The following NOTCH2 variants were observed in gnomAD, a reference collection of about 807,000 sequenced individuals.
The protein encoded by NOTCH2 is notch receptor 2, also known as neurogenic locus notch homolog protein 2.
Under a neutral mutation model 235.8 loss-of-function variants are expected in NOTCH2, and 29 were observed. The ratio of observed to expected loss-of-function variants is 0.12; its 90% CI spans 0.09 to 0.17. The LOEUF (loss-of-function observed/expected upper bound fraction) is 0.17, where lower values mean the gene tolerates loss of function less well. Among genes scored for constraint, NOTCH2 ranks in the 10% least tolerant of loss-of-function variants. The probability of loss-of-function intolerance (pLI) is 1.00; values close to 1 mark genes in which losing one functional copy is unlikely to be tolerated. For missense variants in NOTCH2, 2,285 were observed against 3,150.2 expected (o/e 0.73, Z 6.57); for synonymous variants, 1,086 against 1,141.5 (o/e 0.95, Z 0.98).
intron 4 of NOTCH2, among the ~76,000 whole-genome samples, chr1:119,988,019 A>G (rs1652087255): frequency 6.6e-6 from 1 of 152,178 alleles, no homozygotes; most frequent in African/African-American, 2.4e-5. Context: ...TCTATTCTAA[A>G]CATTCTCCTA....
Position 119,914,859 on chromosome 1 carries a change from G to A in NOTCH2, c.*447C>T, listed in dbSNP as rs751873668. 9.1e-6 allele frequency: 3 copies of A among 329,664 alleles called. No individual in the cohort carries two copies. The highest frequency in any genetic ancestry group is 1.7e-5 in the Non-Finnish European group (3 of 177,366). The allele number at this position is 329,664 out of a possible 1,614,324, so 20.4% of individuals were successfully genotyped here. ...AAGCACCAAATGAAGACAAAAGAAT[G>A]TCCAAGGAGGAGGAGATGCGTAGGT... On this transcript the variant is annotated 3_prime_UTR_variant, in exon 34 of 34. Coordinates refer to ENST00000256646, the MANE Select transcript of NOTCH2 (RefSeq NM_024408.4).
chr1:119,937,775 C>CA (rs1649911854), intron 20 of NOTCH2, 82 bp downstream of exon 20: 7 of 1,548,412 alleles, frequency 4.5e-6, no homozygotes, highest in African/African-American at 1.4e-5. Flanking sequence ...TCTTATTCCA[C>CA]AAAAAAATGA....
At chr1:120,062,976 T>C (rs1189348623) in intron 1 of NOTCH2, among the ~76,000 whole-genome samples, 1 of 152,076 alleles carries the variant, frequency 6.6e-6, no homozygotes, top group Non-Finnish European at 1.5e-5. Flanking sequence ...GATAATATTC[T>C]CCTCAAAAAA....
intron 5 of NOTCH2, among the ~76,000 whole-genome samples, chr1:119,985,652 G>A (rs1281929342): frequency 6.6e-6 from 1 of 152,060 alleles, no homozygotes; most frequent in Admixed American, 6.6e-5. Context: ...ATCTCATCCT[G>A]TCCAATACTG....
At chr1:119,918,378 A>C (rs1290002634) in intron 32 of NOTCH2, 28 bp downstream of exon 32, 2 of 1,613,210 alleles carry the variant, frequency 1.2e-6, no homozygotes, top group Non-Finnish European at 1.7e-6. Context: ...TGCAGGTAAG[A>C]ATCCAAATCC....
rs1380025512 is a variant in NOTCH2, at chr1:120,069,241, C to G, written c.73+93G>C. The G allele has an allele frequency of 1.8e-5, 27 of 1,527,024 alleles. 1 individual carries two copies. The South Asian group carries it at 3.0e-4, about 17-fold the overall frequency. The allele number at this position is 1,527,024 out of a possible 1,614,324, so 94.6% of individuals were successfully genotyped here. On this transcript the variant is annotated intron_variant, in intron 1 of 33. Coordinates refer to ENST00000256646, the MANE Select transcript of NOTCH2 (RefSeq NM_024408.4). The stretch of plus-strand genomic sequence containing the variant: ...GCTCCGCGCCGGCGGCCGAGCCTGG[C>G]CTTCCCACACAGAGAAGGACCGAGG...
Position 119,916,524 on chromosome 1 carries a change from A to T in NOTCH2, c.6198T>A (p.Asn2066Lys). 1 of 1,613,330 alleles carries T rather than the reference A, an allele frequency of 6.2e-7. No individual in the cohort carries two copies. The highest frequency in any genetic ancestry group is 8.5e-7 in the Non-Finnish European group (1 of 1,179,266). ...HDIVRLLDEY[N>K]VTPSPPGTVL... The stretch of plus-strand genomic sequence containing the variant: ...CGGTGCCTGGAGGGCTTGGGGTCAC[A>T]TTGTATTCATCCAGAAGGCGCACAA... Residue 2066 changes from asparagine (N) to lysine (K), a missense_variant, in exon 34 of 34, where the codon AAT (asparagine) becomes AAA (lysine). By Grantham distance (94) the Asn-to-Lys change is moderately conservative. Transcript: ENST00000256646.
At position 119,937,288 on chromosome 1, in the gene NOTCH2, T is replaced by G; in HGVS notation, c.3516A>C (p.Arg1172Ser). The change falls in exon 21 of 34, where the codon AGA (arginine) becomes AGC (serine). Residue 1172 changes from arginine (R) to serine (S), a missense_variant. Around this residue, in one of 6 missense-constraint regions of NOTCH2, gnomAD observed 1,173 missense variants for 1,515.3 expected, o/e 0.77. Coordinates refer to ENST00000256646, the MANE Select transcript of NOTCH2 (RefSeq NM_024408.4). ...GCTTGCTCAGTGTCCTCACCTCGCA[T>G]CTGTATCCACCAATGAAGTCACTGC... Reference protein sequence around the residue: ...ATCSDFIGGYRCECVPGYQGV... With the variant: ...ATCSDFIGGYSCECVPGYQGV... The G allele has an allele frequency of 6.2e-7, 1 of 1,613,336 alleles. No homozygotes were observed. The highest frequency in any genetic ancestry group is 8.5e-7 in the Non-Finnish European group (1 of 1,179,950).
At chr1:119,925,954 T>C in intron 24 of NOTCH2, 144 bp from the exon 25 acceptor site, 1 of 965,120 alleles carries the variant, frequency 1.0e-6, no homozygotes, top group Non-Finnish European at 1.6e-6. Context: ...ACAGGTTTCC[T>C]TTTGGTATCT....
In NOTCH2 at chr1:119,968,936, T is replaced by C. The variant is rs782125636; in HGVS notation, c.1108+575A>G. 3.9e-5 allele frequency among the ~76,000 whole-genome samples: 6 copies of C among 152,340 alleles called. No homozygotes were observed. The East Asian group carries it at 9.7e-4, about 25-fold the overall frequency. On this transcript the variant is annotated intron_variant, in intron 6 of 33. Transcript: ENST00000256646. Reference sequence around the variant, plus strand: ...CATTTCAAAACTGCTGGGCAGAAAGTTCTCCCAGCTAAATTATCTTCTCCC... The same window carrying C: ...CATTTCAAAACTGCTGGGCAGAAAGCTCTCCCAGCTAAATTATCTTCTCCC...
chr1:119,996,847 A>T, intron 4 of NOTCH2, 150 bp downstream of exon 4: 2 of 896,862 alleles, frequency 2.2e-6, no homozygotes, highest in Non-Finnish European at 3.7e-6. Flanking sequence ...GTGGGCCCAT[A>T]AAACTCCTCC....
At chr1:120,005,239 A>T (rs1652920786) in intron 3 of NOTCH2, 90 bp downstream of exon 3, 2 of 1,522,982 alleles carry the variant, frequency 1.3e-6, no homozygotes, top group South Asian at 2.3e-5. Context: ...GCTGGGGGAC[A>T]TTTAAGAGCC....
At chr1:120,041,041 CAA>C (rs71586698) in intron 1 of NOTCH2, among the ~76,000 whole-genome samples, 12 of 15,656 alleles carry the variant, frequency 7.7e-4, no homozygotes, top group Non-Finnish European at 1.2e-3. Flanking sequence ...ACTCTGCCTG[CAA>C]AAAAAAAAAA....
chr1:119,916,564 C>T lies in NOTCH2; in HGVS notation c.6158G>A (p.Arg2053His), dbSNP rs1649080785. Residue 2053 changes from arginine (R) to histidine (H), a missense_variant, in exon 34 of 34, where the codon CGC becomes CAC. By Grantham distance (29) the Arg-to-His change is conservative. This residue lies in a region of NOTCH2 where 504 missense variants were observed against 538.0 expected (regional missense o/e 0.94). Transcript: ENST00000256646. Reference protein sequence around the residue: ...DRLPRDVARDRMHHDIVRLLD... With the variant: ...DRLPRDVARDHMHHDIVRLLD... The stretch of plus-strand genomic sequence containing the variant: ...AAGGCGCACAATGTCATGGTGCATG[C>T]GATCCCGAGCCACATCCCGGGGAAG... 6 of 1,614,062 alleles carry T rather than the reference C, an allele frequency of 3.7e-6. No individual in the cohort carries two copies. The highest frequency in any genetic ancestry group is 2.2e-5 in the South Asian group (2 of 91,068).
intron 1 of NOTCH2, among the ~76,000 whole-genome samples, chr1:120,033,652 C>CCTGATGAT (rs1489399961): frequency 2.7e-5 from 4 of 147,128 alleles, no homozygotes; most frequent in Non-Finnish European, 4.5e-5. Flanking sequence ...AAGCTGTGGG[C>CCTGATGAT]CTGATGATCA....
At chr1:120,040,763 C>T (rs1398374295) in intron 1 of NOTCH2, among the ~76,000 whole-genome samples, 1,330 of 149,528 alleles carry the variant, frequency 8.9e-3, no homozygotes, top group African/African-American at 0.03. Context: ...AACGGCCAGG[C>T]GCGGTGGCTC....
chr1:119,967,908 T>C (rs1378403159), intron 7 of NOTCH2, among the ~76,000 whole-genome samples, 169 bp downstream of exon 7: 6 of 152,194 alleles, frequency 3.9e-5, no homozygotes, highest in African/African-American at 1.4e-4. Context: ...GAATGGAATA[T>C]ATGGTTATGG....
At chr1:120,013,854 C>T (rs587769112) in intron 2 of NOTCH2, among the ~76,000 whole-genome samples, 2 of 151,334 alleles carry the variant, frequency 1.3e-5, no homozygotes, top group South Asian at 2.1e-4. Context: ...CTTGAGATGG[C>T]TAAAGTTGAA....
In NOTCH2 at chr1:119,915,679, A is replaced by C. The variant is rs779767032; in HGVS notation, c.7043T>G (p.Leu2348Trp). The change falls in exon 34 of 34, where the codon TTG (leucine) becomes TGG (tryptophan). Residue 2348 changes from leucine to tryptophan, a missense_variant. By Grantham distance (61) the Leu-to-Trp change is moderately conservative (BLOSUM62 -2). Around this residue, in one of 6 missense-constraint regions of NOTCH2, gnomAD observed 504 missense variants for 538.0 expected, o/e 0.94. Transcript: ENST00000256646. ...GGCAGTGGGGAAAGCCACACTGGGC[A>C]AACGGGCCATTTCTGGAATCTGGTA... ...TMYQIPEMAR[L>W]PSVAFPTAMM... 2 of 1,613,256 alleles carry C rather than the reference A, an allele frequency of 1.2e-6. No homozygotes were observed.
Sources: gnomAD v4.1 joint callset for allele counts (sites outside exome capture counted in the v4.1 genomes callset) on GRCh38, gnomAD v4.1.1 for gene constraint, gnomAD v4.1.1 regional missense constraint, MANE v1.5 for transcripts, NCBI Gene and HGNC (gene_info 2026-07-23, HGNC 2026-07-21) for gene names.